DNAJC25: variants seen among roughly 807,000 people sequenced by gnomAD.
DNAJC25 encodes the protein dnaJ homolog subfamily C member 25.
A neutral mutation model predicts 42.1 loss-of-function variants in DNAJC25; 26 were observed. The observed-to-expected ratio is 0.62, with a 90% CI of 0.45 to 0.86. DNAJC25 has a LOEUF of 0.86. Among genes scored for constraint, DNAJC25 ranks in the 40% least tolerant of loss-of-function variants. The probability of loss-of-function intolerance (pLI) is 0.00; values close to 1 mark genes in which losing one functional copy is unlikely to be tolerated. For synonymous variants in DNAJC25, 189 were observed against 179.9 expected (o/e 1.05, Z -0.40); for missense variants, 404 against 459.4 (o/e 0.88, Z 1.10).
At chr9:111,632,762 G>T (rs1171762121) in intron 1 of DNAJC25, among the ~76,000 whole-genome samples, 1 of 151,830 alleles carries the variant, frequency 6.6e-6, no homozygotes, top group Non-Finnish European at 1.5e-5. Context: ...TACTTTGAGT[G>T]GATATAATTT....
At chr9:111,636,632 C>T (rs2131256621) in intron 1 of DNAJC25, among the ~76,000 whole-genome samples, 1 of 152,202 alleles carries the variant, frequency 6.6e-6, no homozygotes, top group Admixed American at 6.5e-5. Flanking sequence ...ATATAAATTT[C>T]TATTTTAGGT....
intron 1 of DNAJC25, among the ~76,000 whole-genome samples, chr9:111,645,168 G>A (rs766293524): frequency 3.3e-5 from 5 of 151,942 alleles, no homozygotes; most frequent in African/African-American, 4.8e-5. Flanking sequence ...AGTTTACATC[G>A]TTTCATATAC....
intron 1 of DNAJC25, among the ~76,000 whole-genome samples, chr9:111,644,789 T>C (rs908366037): frequency 1.3e-5 from 2 of 152,212 alleles, no homozygotes; most frequent in Non-Finnish European, 2.9e-5. Flanking sequence ...AAACGGCATT[T>C]CTATAAAATT....
chr9:111,636,244 A>G lies in DNAJC25; in HGVS notation c.336+4501A>G, dbSNP rs908553005. Among the ~76,000 whole-genome samples the G allele has an allele frequency of 6.6e-5, 10 of 152,202 alleles. 1 individual carries two copies. The South Asian group carries it at 1.0e-3, about 16-fold the overall frequency. On this transcript the variant is annotated intron_variant, in intron 1 of 3. Coordinates refer to ENST00000313525, the MANE Select transcript of DNAJC25 (RefSeq NM_001015882.3). ...TTCTGGTAGAGGGGAAACTTGATCA[A>G]CAGAAACATAGAGTCATGAGTGTGC...
intron 1 of DNAJC25, 117 bp from the exon 2 acceptor site, chr9:111,646,984 TTCAGTA>T: frequency 8.7e-7 from 1 of 1,144,244 alleles, no homozygotes; most frequent in Admixed American, 3.6e-5. Flanking sequence ...TTTTGACAAT[TTCAGTA>T]TTTTTACTCA....
intron 1 of DNAJC25, 120 bp downstream of exon 1, chr9:111,631,863 C>G (rs975919825): frequency 7.2e-7 from 1 of 1,392,154 alleles, no homozygotes; most frequent in Non-Finnish European, 9.2e-7. Context: ...CAGCCACCAC[C>G]GCGACCTTTA....
chr9:111,643,065 C>T, intron 1 of DNAJC25: 1 of 338,230 alleles, frequency 3.0e-6, no homozygotes, highest in South Asian at 2.5e-5. Context: ...CACAAAATTG[C>T]TGAAAGAAAA....
intron 1 of DNAJC25, among the ~76,000 whole-genome samples, chr9:111,645,256 T>A (rs1004652146): frequency 4.5e-5 from 3 of 66,606 alleles, no homozygotes; most frequent in East Asian, 9.6e-4. Context: ...AGATTCAAAA[T>A]TTTTTTTTTT....
rs1331580796 is a variant in DNAJC25 at position 111,631,344 on chromosome 9, A to G, written c.-64A>G. On this transcript the variant is annotated 5_prime_UTR_variant, in exon 1 of 4. Coordinates refer to ENST00000313525, the MANE Select transcript of DNAJC25 (RefSeq NM_001015882.3). ...CGTGTAGCTGGGGCCAGACGGGACT[A>G]GCCGGGCGCGCGGCTGAGTGCTGCA... The G allele has an allele frequency of 7.2e-6, 9 of 1,253,312 alleles. No homozygotes were observed. Among genetic ancestry groups the G allele is most frequent in the Non-Finnish European group, 9.0e-6 (9 of 1,002,034 alleles). 77.6% of individuals were successfully genotyped at this position (1,253,312 alleles called of 1,614,324 possible).
intron 1 of DNAJC25, among the ~76,000 whole-genome samples, chr9:111,631,997 A>G (rs1170274603): frequency 4.6e-5 from 7 of 152,282 alleles, no homozygotes. Flanking sequence ...AACTTTGGCC[A>G]TCTTACGATT....
In DNAJC25 at chr9:111,649,757, G is replaced by A. The variant is rs773448980; in HGVS notation, c.794G>A (p.Arg265Gln). The part of the protein sequence containing the change: ...HLCSYIVWYC[R>Q]WIYNFNIKGK... Reference sequence around the variant, plus strand: ...TGCTCATATATAGTTTGGTATTGTCGGTGGATCTATAATTTTAACATCAAA... The same window carrying A: ...TGCTCATATATAGTTTGGTATTGTCAGTGGATCTATAATTTTAACATCAAA... Residue 265 changes from arginine (R) to glutamine (Q), a missense_variant, in exon 3 of 4, where the codon CGG becomes CAG. Physicochemically the swap from Arg to Gln is conservative, Grantham distance 43. Coordinates refer to ENST00000313525, the MANE Select transcript of DNAJC25 (RefSeq NM_001015882.3). The A allele has an allele frequency of 2.4e-5, 38 of 1,613,748 alleles. No homozygotes were observed. The highest frequency in any genetic ancestry group is 1.2e-4 in the Admixed American group (7 of 59,978).
chr9:111,645,705 G>A (rs1010701248), intron 1 of DNAJC25, among the ~76,000 whole-genome samples: 1 of 152,200 alleles, frequency 6.6e-6, no homozygotes, highest in African/African-American at 2.4e-5. Context: ...GTCTGCAGTA[G>A]CAAGGCACTA....
Position 111,631,335 on chromosome 9 carries a change from G to C in DNAJC25, c.-73G>C. ...GGCTGCTGACGTGTAGCTGGGGCCAGACGGGACTAGCCGGGCGCGCGGCTG... is the reference window on the plus strand; with the variant it reads ...GGCTGCTGACGTGTAGCTGGGGCCACACGGGACTAGCCGGGCGCGCGGCTG... On this transcript the variant is annotated 5_prime_UTR_variant, in exon 1 of 4. Coordinates refer to ENST00000313525, the MANE Select transcript of DNAJC25 (RefSeq NM_001015882.3). 8.0e-7 allele frequency: 1 copy of C among 1,246,146 alleles called. No homozygotes were observed. The highest frequency in any genetic ancestry group is 1.0e-6 in the Non-Finnish European group (1 of 997,710). 77.2% of individuals were successfully genotyped at this position (1,246,146 alleles called of 1,614,324 possible).
At chr9:111,650,625 A>G (rs1210832780) in intron 3 of DNAJC25, among the ~76,000 whole-genome samples, 2 of 152,198 alleles carry the variant, frequency 1.3e-5, no homozygotes, top group Admixed American at 6.5e-5. Context: ...TATGTTAAAT[A>G]TAAGAATAGA....
rs899145613 is a variant in DNAJC25, at chr9:111,648,561, C to T, written c.490-892C>T. Among the ~76,000 whole-genome samples the T allele has an allele frequency of 8.5e-5, 13 of 152,252 alleles. 2 individuals are homozygous for T. Among genetic ancestry groups the T allele is most frequent in the Admixed American group, 2.6e-4 (4 of 15,298 alleles). On this transcript the variant is annotated intron_variant, in intron 2 of 3. Transcript: ENST00000313525. ...CTGGGATTACAGGCATGAGCCCCTG[C>T]ACTTGGCCGACATTCAATTTTTATG... is the stretch of plus-strand genomic sequence containing the variant.
At chr9:111,640,865 G>A (rs1342208528) in intron 1 of DNAJC25, among the ~76,000 whole-genome samples, 3 of 109,826 alleles carry the variant, frequency 2.7e-5, no homozygotes, top group African/African-American at 4.4e-5. Flanking sequence ...CCGGCCAGCC[G>A]CCCCATCCGG....
At chr9:111,638,083 G>A (rs1712980694) in intron 1 of DNAJC25, among the ~76,000 whole-genome samples, 1 of 152,130 alleles carries the variant, frequency 6.6e-6, no homozygotes, top group African/African-American at 2.4e-5. Context: ...CTGTAGCACA[G>A]GTACCCGCAA....
chr9:111,646,986 C>T (rs1830575730), intron 1 of DNAJC25, 121 bp from the exon 2 acceptor site: 3 of 1,148,572 alleles, frequency 2.6e-6, no homozygotes, highest in South Asian at 6.4e-5. Context: ...TTGACAATTT[C>T]AGTATTTTTA....
Position 111,649,473 on chromosome 9 carries a change from C to G in DNAJC25, c.510C>G (p.Ser170Arg). ...TCTAGTTTTTCAGCTGGTGGAATAG[C>G]TACAATAAGGCAATCAGCTACCTAG... Reference protein sequence around the residue: ...SVFQFFSWWNSYNKAISYLAT... With the variant: ...SVFQFFSWWNRYNKAISYLAT... The change falls in exon 3 of 4, where the codon AGC (serine) becomes AGG (arginine). Residue 170 changes from serine to arginine, a missense_variant. Coordinates refer to ENST00000313525, the MANE Select transcript of DNAJC25 (RefSeq NM_001015882.3). 11 of 1,586,242 alleles carry G rather than the reference C, an allele frequency of 6.9e-6. No individual in the cohort carries two copies. The highest frequency in any genetic ancestry group is 8.5e-6 in the Non-Finnish European group (10 of 1,170,784).
Sources: gnomAD v4.1 joint callset for allele counts (sites outside exome capture counted in the v4.1 genomes callset) on GRCh38, gnomAD v4.1.1 for gene constraint, MANE v1.5 for transcripts, NCBI Gene and HGNC (gene_info 2026-07-23, HGNC 2026-07-21) for gene names.